Variants in SLC6A5 observed in about 807,000 individuals in gnomAD.
The protein encoded by SLC6A5 is solute carrier family 6 member 5.
Under a neutral mutation model 90.5 loss-of-function variants are expected in SLC6A5, and 58 were observed. The observed-to-expected ratio is 0.64, with a 90% CI of 0.52 to 0.80. The LOEUF is 0.80. Ranked by LOEUF, SLC6A5 falls within the 30% of genes least tolerant of loss-of-function variation. SLC6A5 has a pLI of 0.00. For synonymous variants in SLC6A5, 427 were observed against 401.4 expected, an observed-to-expected ratio of 1.06 and a Z score of -0.76; for missense variants, 1,015 against 1,017.6, an observed-to-expected ratio of 1.00 and a Z score of 0.03.
intron 10 of SLC6A5, among the ~76,000 whole-genome samples, chr11:20,634,015 G>A (rs1160025599): frequency 3.9e-5 from 6 of 151,984 alleles, no homozygotes; most frequent in Non-Finnish European, 7.4e-5. Context: ...GGGACTACAG[G>A]CGCCCCCCAC....
In SLC6A5 at chr11:20,614,573, T is replaced by C. The variant is rs7128375; in HGVS notation, c.986-106T>C. ...ATCCTTTCCTGAAGGTACTCTCCAA[T>C]ATTTGCAAATGTTTTTGGCATTTGT... On this transcript the variant is annotated intron_variant, in intron 5 of 15. Coordinates refer to ENST00000525748, the MANE Select transcript of SLC6A5 (RefSeq NM_004211.5). 4.3e-4 allele frequency: 453 copies of C among 1,047,448 alleles called. 1 individual carries two copies. The African/African-American group carries it at 6.0e-3, about 14-fold the overall frequency. The allele number at this position is 1,047,448 out of a possible 1,614,324, so 64.9% of individuals were successfully genotyped here.
chr11:20,605,729 T>C (rs2133773140), intron 3 of SLC6A5, among the ~76,000 whole-genome samples: 1 of 152,234 alleles, frequency 6.6e-6, no homozygotes, highest in South Asian at 2.1e-4. Context: ...ATCTCAGGGT[T>C]CCGGAGGAGC....
At chr11:20,631,031 A>G (rs901670044) in intron 10 of SLC6A5, among the ~76,000 whole-genome samples, 1 of 152,170 alleles carries the variant, frequency 6.6e-6, no homozygotes, top group Non-Finnish European at 1.5e-5. Flanking sequence ...ATTGCTTTAA[A>G]AGCCCTCTTT....
At chr11:20,618,976 A>G (rs2133789866) in intron 7 of SLC6A5, among the ~76,000 whole-genome samples, 1 of 135,796 alleles carries the variant, frequency 7.4e-6, no homozygotes, top group East Asian at 2.0e-4. Flanking sequence ...ACACACACAC[A>G]CACAAAGAAA....
At position 20,601,475 on chromosome 11, in the gene SLC6A5, C is replaced by T. The variant is rs1223471562; in HGVS notation, c.350C>T (p.Ala117Val). 6.2e-7 allele frequency: 1 copy of T among 1,612,476 alleles called. No individual in the cohort carries two copies. Among genetic ancestry groups the T allele is most frequent in the African/African-American group, 1.3e-5 (1 of 74,926 alleles). ...PPPGSSGPGNALHCKIPFLRG... is the reference protein window; with the variant it reads ...PPPGSSGPGNVLHCKIPFLRG... ...CCCGGGAGCTCCGGGCCCGGCAACG[C>T]GCTGCACTGTAAGATCCCTTTTCTG... The change falls in exon 2 of 16, where the codon GCG (alanine) becomes GTG (valine). Residue 117 changes from alanine to valine, a missense_variant. Ala to Val is a moderately conservative substitution (Grantham distance 64). Transcript: ENST00000525748.
intron 13 of SLC6A5, among the ~76,000 whole-genome samples, 157 bp downstream of exon 13, chr11:20,638,715 C>A (rs1324093450): frequency 6.6e-6 from 1 of 152,072 alleles, no homozygotes. Flanking sequence ...CTAAACTTGC[C>A]TCACGACCAC....
At chr11:20,638,317 T>C (rs1853248286) in intron 12 of SLC6A5, 142 bp from the exon 13 acceptor site, 14 of 696,760 alleles carry the variant, frequency 2.0e-5, no homozygotes, top group South Asian at 1.7e-4. Flanking sequence ...TGTAGGTTAC[T>C]GCTACTGAGA....
intron 7 of SLC6A5, among the ~76,000 whole-genome samples, chr11:20,621,286 A>G (rs2133792148): frequency 6.6e-6 from 1 of 152,354 alleles, no homozygotes; most frequent in East Asian, 1.9e-4. Context: ...TGGGCAAGTC[A>G]CAGGATATAT....
intron 7 of SLC6A5, among the ~76,000 whole-genome samples, chr11:20,618,424 A>C (rs952947392): frequency 4.6e-5 from 7 of 152,186 alleles, no homozygotes; most frequent in Non-Finnish European, 1.5e-5. Flanking sequence ...TGCCCCTAGC[A>C]CTAAAGGAAG....
chr11:20,621,588 T>C (rs1424262760), intron 7 of SLC6A5, among the ~76,000 whole-genome samples: 2 of 152,214 alleles, frequency 1.3e-5, no homozygotes, highest in African/African-American at 4.8e-5. Context: ...CCAGAAATAA[T>C]GAATCACAAT....
chr11:20,623,068 TAG>T (rs1852922221), intron 7 of SLC6A5, among the ~76,000 whole-genome samples: 1 of 152,070 alleles, frequency 6.6e-6, no homozygotes, highest in South Asian at 2.1e-4. Context: ...TTGGAAGAAA[TAG>T]AGAGGAGCTG....
Position 20,607,570 on chromosome 11 carries a change from C to G in SLC6A5, c.903C>G (p.Ser301=). 2 of 1,614,090 alleles carry G rather than the reference C, an allele frequency of 1.2e-6. No individual in the cohort carries two copies. Among genetic ancestry groups the G allele is most frequent in the Non-Finnish European group, 1.7e-6 (2 of 1,179,962 alleles). ...ICYTLFYLFA[S]FVSVLPWGSC... ...ATACACTTTTCTACCTGTTTGCCTC[C>G]TTTGTGTCTGTACTACCCTGGGGCT... Residue 301 remains serine, a synonymous_variant, in exon 5 of 16, where the codon TCC becomes TCG. Coordinates refer to ENST00000525748, the MANE Select transcript of SLC6A5 (RefSeq NM_004211.5).
intron 5 of SLC6A5, among the ~76,000 whole-genome samples, chr11:20,612,757 C>T (rs886692612): frequency 2.0e-5 from 3 of 152,208 alleles, no homozygotes; most frequent in Non-Finnish European, 2.9e-5. Context: ...TGGGCTCAAG[C>T]CATCCTCCTG....
chr11:20,654,779 C>G lies in SLC6A5; in HGVS notation c.2305C>G (p.Arg769Gly), dbSNP rs756851276. The G allele has an allele frequency of 8.7e-6, 14 of 1,613,928 alleles. No individual in the cohort carries two copies. The highest frequency in any genetic ancestry group is 1.2e-5 in the Non-Finnish European group (14 of 1,179,972). The change falls in exon 16 of 16, where the codon CGT (arginine) becomes GGT (glycine). Residue 769 changes from arginine to glycine, a missense_variant. Transcript: ENST00000525748. ...GPFLAQHRGE[R>G]YKNMIDPLGT... ...ATTCTTAGCTCAACACCGCGGGGAG[C>G]GTTACAAGAACATGATCGACCCCTT... is the stretch of plus-strand genomic sequence containing the variant.
At chr11:20,625,294 T>C (rs945894744) in intron 7 of SLC6A5, among the ~76,000 whole-genome samples, 4 of 152,158 alleles carry the variant, frequency 2.6e-5, no homozygotes, top group Non-Finnish European at 5.9e-5. Context: ...GGAGTTTTGC[T>C]CTTGTCACCC....
In SLC6A5 at chr11:20,630,728, A is replaced by T. The variant is rs2133803001; in HGVS notation, c.1537A>T (p.Ser513Cys). 2 of 1,614,230 alleles carry T rather than the reference A, an allele frequency of 1.2e-6. No homozygotes were observed. The highest frequency in any genetic ancestry group is 1.7e-6 in the Non-Finnish European group (2 of 1,180,020). Residue 513 changes from serine (S) to cysteine (C), a missense_variant, in exon 10 of 16, where the codon AGC becomes TGC. Coordinates refer to ENST00000525748, the MANE Select transcript of SLC6A5 (RefSeq NM_004211.5). ...LIVTCTNSAT[S>C]IFAGFVIFSV... The stretch of plus-strand genomic sequence containing the variant: ...TGTCACCTGCACCAACAGTGCCACA[A>T]GCATCTTTGCCGGCTTCGTCATCTT...
At position 20,607,499 on chromosome 11, in the gene SLC6A5, A is replaced by G; in HGVS notation, c.832A>G (p.Ile278Val). The G allele has an allele frequency of 1.2e-6, 2 of 1,614,150 alleles. No homozygotes were observed. The highest frequency in any genetic ancestry group is 1.7e-6 in the Non-Finnish European group (2 of 1,180,028). ...ALQGCGIAML[I>V]ISVLIAIYYN... is the part of the protein sequence containing the mutation. ...TGCAGGCTGTGGCATCGCGATGCTGATCATCTCTGTCCTAATAGCCATATA... is the reference window on the plus strand; with the variant it reads ...TGCAGGCTGTGGCATCGCGATGCTGGTCATCTCTGTCCTAATAGCCATATA... The change falls in exon 5 of 16, where the codon ATC becomes GTC. Residue 278 changes from isoleucine to valine, a missense_variant. Around this residue, in one of 3 missense-constraint regions of SLC6A5, gnomAD observed 567 missense variants for 507.3 expected, o/e 1.12. Coordinates refer to ENST00000525748, the MANE Select transcript of SLC6A5 (RefSeq NM_004211.5).
chr11:20,623,975 G>A (rs1852941430), intron 7 of SLC6A5, among the ~76,000 whole-genome samples: 1 of 151,760 alleles, frequency 6.6e-6, no homozygotes, highest in African/African-American at 2.4e-5. Flanking sequence ...ATTATTGTTG[G>A]TTGACTCTCT....
Position 20,655,657 on chromosome 11 carries a change from G to A in SLC6A5, c.*789G>A, listed in dbSNP as rs1256064796. On this transcript the variant is annotated 3_prime_UTR_variant, in exon 16 of 16. Coordinates refer to ENST00000525748, the MANE Select transcript of SLC6A5 (RefSeq NM_004211.5). ...TTGTGCCTCATTTTGTACGTTCATAGTAGAGCTCCATGCTCATTTCTACAT... is the reference window on the plus strand; with the variant it reads ...TTGTGCCTCATTTTGTACGTTCATAATAGAGCTCCATGCTCATTTCTACAT... The A allele has an allele frequency of 6.6e-6, 1 of 152,320 alleles. No individual in the cohort carries two copies. Among genetic ancestry groups the A allele is most frequent in the Admixed American group, 6.5e-5 (1 of 15,302 alleles). 9.4% of individuals were successfully genotyped at this position (152,320 alleles called of 1,614,324 possible). A position where few individuals can be genotyped will look rare whatever the true frequency, so the allele number is the denominator to read the frequency against.
Sources: allele counts gnomAD v4.1 joint callset (sites outside exome capture counted in the v4.1 genomes callset), GRCh38; gene constraint gnomAD v4.1.1; regional missense constraint gnomAD v4.1.1; transcripts MANE v1.5; gene names NCBI Gene and HGNC (gene_info 2026-07-23, HGNC 2026-07-21).